The following FHIT variants were observed in gnomAD, a reference collection of about 807,000 sequenced individuals.
FHIT encodes the protein bis(5'-adenosyl)-triphosphatase.
Under a neutral mutation model 17.9 loss-of-function variants are expected in FHIT, and 19 were observed. That is an observed-to-expected ratio of 1.06 (90% CI 0.74 to 1.56). The LOEUF is 1.56. FHIT is among the 40% of genes most tolerant of loss of function. The pLI is 0.00. For synonymous variants in FHIT, 81 were observed against 69.7 expected (o/e 1.16, Z -0.81); for missense variants, 248 against 189.2 (o/e 1.31, Z -1.82).
chr3:60,431,740 T>C (rs1702914642), intron 5 of FHIT, among the ~76,000 whole-genome samples: 1 of 151,958 alleles, frequency 6.6e-6, no homozygotes, highest in Non-Finnish European at 1.5e-5. Context: ...TTCCCTCAGC[T>C]CAAAACGCCT....
At chr3:60,305,751 G>A (rs767458025) in intron 5 of FHIT, among the ~76,000 whole-genome samples, 1 of 152,112 alleles carries the variant, frequency 6.6e-6, no homozygotes, top group Non-Finnish European at 1.5e-5. Context: ...GCAATAGACT[G>A]TCGATTTGTT....
intron 4 of FHIT, among the ~76,000 whole-genome samples, chr3:60,541,692 A>T (rs1172658715): frequency 6.6e-6 from 1 of 152,228 alleles, no homozygotes; most frequent in Non-Finnish European, 1.5e-5. Flanking sequence ...TATGAACCTG[A>T]AACAGCTACG....
chr3:60,062,412 A>G (rs898472248), intron 5 of FHIT, among the ~76,000 whole-genome samples: 8 of 152,208 alleles, frequency 5.3e-5, no homozygotes, highest in African/African-American at 1.2e-4. Context: ...CTACATTCCA[A>G]GTACTGTGCT....
chr3:59,791,381 C>T (rs1699552116), intron 8 of FHIT, among the ~76,000 whole-genome samples: 1 of 152,194 alleles, frequency 6.6e-6, no homozygotes, highest in African/African-American at 2.4e-5. Context: ...ATGTGAGCCT[C>T]CGGCTGCTGG....
At chr3:60,938,923 T>C (rs1553773808) in intron 3 of FHIT, among the ~76,000 whole-genome samples, 1 of 152,208 alleles carries the variant, frequency 6.6e-6, no homozygotes, top group Non-Finnish European at 1.5e-5. Flanking sequence ...ATGTTCATTG[T>C]AAATAATGAA....
chr3:60,618,679 A>C (rs1553676934), intron 4 of FHIT, among the ~76,000 whole-genome samples: 2 of 152,200 alleles, frequency 1.3e-5, no homozygotes, highest in African/African-American at 4.8e-5. Context: ...TTATGCAAAA[A>C]GATTTTGCAA....
At chr3:60,073,548 T>A (rs899315935) in intron 5 of FHIT, among the ~76,000 whole-genome samples, 1 of 152,148 alleles carries the variant, frequency 6.6e-6, no homozygotes, top group East Asian at 1.9e-4. Flanking sequence ...CTGCCCTTTA[T>A]GTCTTCAAAA....
At chr3:60,391,108 A>C (rs1342673282) in intron 5 of FHIT, among the ~76,000 whole-genome samples, 1 of 152,082 alleles carries the variant, frequency 6.6e-6, no homozygotes, top group East Asian at 1.9e-4. Context: ...GAATTGCTTG[A>C]ACCCAGGAGG....
intron 5 of FHIT, among the ~76,000 whole-genome samples, chr3:60,188,222 T>C (rs558096700): frequency 1.3e-5 from 2 of 150,466 alleles, no homozygotes; most frequent in African/African-American, 4.9e-5. Context: ...TTTTTTTTTT[T>C]TTTTTACCAT....
At position 60,390,509 on chromosome 3, in the gene FHIT, A is replaced by G. The variant is rs188885285; in HGVS notation, c.103+146351T>C. On this transcript the variant is annotated intron_variant, in intron 5 of 9. Transcript: ENST00000492590. ...CTTCTTCTATTTATAAAAGAGAAAT[A>G]AAAATGTAAAACGGCCTCAGGCAAG... Among the ~76,000 whole-genome samples, 5 of 151,854 alleles carry G rather than the reference A, an allele frequency of 3.3e-5. No homozygotes were observed. In the East Asian group the frequency reaches 7.8e-4, roughly 24 times the overall value.
chr3:61,064,817 C>A (rs990384152), intron 2 of FHIT, among the ~76,000 whole-genome samples: 11 of 152,092 alleles, frequency 7.2e-5, no homozygotes, highest in African/African-American at 2.4e-4. Context: ...TGCCTAGAGA[C>A]AAAAATTCAT....
At chr3:60,373,033 T>G (rs567201957) in intron 5 of FHIT, among the ~76,000 whole-genome samples, 2 of 84,760 alleles carry the variant, frequency 2.4e-5, no homozygotes, top group Non-Finnish European at 3.5e-5. Context: ...CATATGAAAT[T>G]TATTTATTTA....
chr3:60,205,904 T>G (rs1180325170), intron 5 of FHIT, among the ~76,000 whole-genome samples: 1 of 151,436 alleles, frequency 6.6e-6, no homozygotes, highest in Non-Finnish European at 1.5e-5. Flanking sequence ...GTCAGGTGAT[T>G]GAGACCATCC....
intron 2 of FHIT, among the ~76,000 whole-genome samples, chr3:61,170,574 T>C (rs1222130280): frequency 1.3e-5 from 2 of 152,156 alleles, no homozygotes; most frequent in South Asian, 2.1e-4. Context: ...CCTCTATGTG[T>C]CCATGTGTTC....
At chr3:60,732,424 C>T (rs2042049042) in intron 4 of FHIT, 6 of 746,268 alleles carry the variant, frequency 8.0e-6, no homozygotes, top group Middle Eastern at 2.4e-4. Flanking sequence ...CCACCAGTGC[C>T]ATATGGCATG....
At chr3:60,874,854 G>A (rs1245976392) in intron 3 of FHIT, among the ~76,000 whole-genome samples, 1 of 152,152 alleles carries the variant, frequency 6.6e-6, no homozygotes, top group Non-Finnish European at 1.5e-5. Flanking sequence ...CATGACCTCT[G>A]AAATAGGAAG....
chr3:60,370,760 T>C (rs1297861380), intron 5 of FHIT, among the ~76,000 whole-genome samples: 1 of 152,168 alleles, frequency 6.6e-6, no homozygotes, highest in East Asian at 1.9e-4. Context: ...ACTCACTCTA[T>C]TCCCACAGCC....
At chr3:59,894,605 T>G (rs899948481) in intron 8 of FHIT, among the ~76,000 whole-genome samples, 5 of 152,170 alleles carry the variant, frequency 3.3e-5, no homozygotes, top group Non-Finnish European at 7.4e-5. Context: ...ATTGAATCAG[T>G]GAACTGGATA....
At chr3:60,995,874 T>C (rs2030637662) in intron 3 of FHIT, among the ~76,000 whole-genome samples, 2 of 152,220 alleles carry the variant, frequency 1.3e-5, no homozygotes, top group African/African-American at 4.8e-5. Context: ...GTATCTATTG[T>C]AAGGAGTAAA....
Sources: allele counts gnomAD v4.1 joint callset (sites outside exome capture counted in the v4.1 genomes callset), GRCh38; gene constraint gnomAD v4.1.1; transcripts MANE v1.5; gene names NCBI Gene and HGNC (gene_info 2026-07-23, HGNC 2026-07-21).